The following SMCHD1 variants were observed in gnomAD, a reference collection of about 807,000 sequenced individuals.
The protein encoded by SMCHD1 is structural maintenance of chromosomes flexible hinge domain containing 1.
A neutral mutation model predicts 254.7 loss-of-function variants in SMCHD1; 78 were observed. That is an observed-to-expected ratio of 0.31 (90% CI 0.26 to 0.37). SMCHD1 has a LOEUF of 0.37. Ranked by LOEUF, SMCHD1 falls within the 10% of genes least tolerant of loss-of-function variation. The probability of loss-of-function intolerance (pLI) is 1.00; values close to 1 mark genes in which losing one functional copy is unlikely to be tolerated. For synonymous variants in SMCHD1, 766 were observed against 794.9 expected (o/e 0.96, Z 0.61); for missense variants, 1,840 against 2,408.1 (o/e 0.76, Z 4.94).
At chr18:2,693,260 A>G (rs993289795) in intron 7 of SMCHD1, among the ~76,000 whole-genome samples, 1 of 152,206 alleles carries the variant, frequency 6.6e-6, no homozygotes, top group African/African-American at 2.4e-5. Flanking sequence ...TACACAGTAG[A>G]TATAGTCTCC....
chr18:2,745,221 G>T (rs1231945373), intron 29 of SMCHD1, among the ~76,000 whole-genome samples: 1 of 90,848 alleles, frequency 1.1e-5, no homozygotes, highest in African/African-American at 3.6e-5. Context: ...GTTTCACCAT[G>T]CTGACCAAGC....
chr18:2,726,715 C>T (rs2143440674), intron 22 of SMCHD1, 191 bp downstream of exon 22: 1 of 288,962 alleles, frequency 3.5e-6, no homozygotes, highest in Middle Eastern at 1.1e-3. Flanking sequence ...ATGTTATTGA[C>T]ATTCTGAATA....
intron 7 of SMCHD1, among the ~76,000 whole-genome samples, chr18:2,690,553 C>T (rs2074151605): frequency 6.7e-6 from 1 of 149,502 alleles, no homozygotes; most frequent in South Asian, 2.2e-4. Flanking sequence ...CTCACTGCAA[C>T]CTCTGCCTCC....
chr18:2,704,764 T>C (rs2074478290), intron 13 of SMCHD1, among the ~76,000 whole-genome samples: 1 of 152,156 alleles, frequency 6.6e-6, no homozygotes, highest in South Asian at 2.1e-4. Flanking sequence ...CTCTGTTCTC[T>C]CCATAAATGA....
intron 45 of SMCHD1, among the ~76,000 whole-genome samples, chr18:2,787,115 G>A (rs535101986): frequency 3.9e-5 from 6 of 152,300 alleles, no homozygotes; most frequent in South Asian, 4.1e-4. Flanking sequence ...TGGTGAGGGC[G>A]TCAGGCTGCT....
intron 45 of SMCHD1, chr18:2,785,073 G>C (rs1426961405): frequency 1.7e-5 from 5 of 286,000 alleles, no homozygotes; most frequent in Non-Finnish European, 2.7e-5. Flanking sequence ...ATTAGAAAGT[G>C]TATGACATGT....
At chr18:2,742,054 T>A (rs2075360542) in intron 28 of SMCHD1, among the ~76,000 whole-genome samples, 1 of 152,234 alleles carries the variant, frequency 6.6e-6, no homozygotes, top group African/African-American at 2.4e-5. Context: ...TTTTCTGCTC[T>A]GTTCTACCTG....
At chr18:2,711,227 A>G (rs897332949) in intron 17 of SMCHD1, among the ~76,000 whole-genome samples, 3 of 150,604 alleles carry the variant, frequency 2.0e-5, no homozygotes, top group Non-Finnish European at 4.4e-5. Context: ...TCACCTCCTT[A>G]TGCACCAGGA....
At position 2,698,063 on chromosome 18, in the gene SMCHD1, G is replaced by A. The variant is rs201796204; in HGVS notation, c.1342+22G>A. The A allele has an allele frequency of 6.0e-5, 94 of 1,556,554 alleles. No homozygotes were observed. The African/African-American group carries it at 1.2e-3, about 20-fold the overall frequency. ...TCAAGTATGTTAATCTGTTATCTTA[G>A]TTATAAAATATGAAGTTGTAATTTA... On this transcript the variant is annotated intron_variant, in intron 10 of 47. Coordinates refer to ENST00000320876, the MANE Select transcript of SMCHD1 (RefSeq NM_015295.3).
At chr18:2,753,682 C>T (rs2075618047) in intron 34 of SMCHD1, among the ~76,000 whole-genome samples, 1 of 152,142 alleles carries the variant, frequency 6.6e-6, no homozygotes, top group Admixed American at 6.6e-5. Context: ...GCTAGGACTA[C>T]AGGAATGTGC....
Position 2,802,958 on chromosome 18 carries a change from C to T in SMCHD1, c.*406C>T, listed in dbSNP as rs893110893. On this transcript the variant is annotated 3_prime_UTR_variant, in exon 48 of 48. Coordinates refer to ENST00000320876, the MANE Select transcript of SMCHD1 (RefSeq NM_015295.3). ...CTTGAAAACCTTTTTATTACTTTTG[C>T]GTGAATTTATTTAACAAAGATGTTT... 1.7e-4 allele frequency: 26 copies of T among 156,004 alleles called. No homozygotes were observed. The highest frequency in any genetic ancestry group is 9.2e-4 in the East Asian group (5 of 5,450). 9.7% of individuals were successfully genotyped at this position (156,004 alleles called of 1,614,324 possible).
chr18:2,793,584 G>C (rs2076206385), intron 45 of SMCHD1, among the ~76,000 whole-genome samples: 1 of 149,336 alleles, frequency 6.7e-6, no homozygotes, highest in Non-Finnish European at 1.5e-5. Context: ...AGAATGGCGT[G>C]AACCCGGGAG....
rs1433960517 is a variant in SMCHD1, at chr18:2,751,385, C to T, written c.4273C>T (p.Pro1425Ser). 7 of 1,554,364 alleles carry T rather than the reference C, an allele frequency of 4.5e-6. No homozygotes were observed. The highest frequency in any genetic ancestry group is 4.9e-5 in the East Asian group (2 of 40,582). Reference protein sequence around the residue: ...WKLSTSGNRPPANAETFSCNK... With the variant: ...WKLSTSGNRPSANAETFSCNK... ...GCTGTCTACCAGTGGGAACCGACCC[C>T]CAGCAAATGTGAGTCATGGGAAGCA... Residue 1425 changes from proline to serine, a missense_variant, in exon 33 of 48, where the codon CCA (proline) becomes TCA (serine). Coordinates refer to ENST00000320876, the MANE Select transcript of SMCHD1 (RefSeq NM_015295.3).
chr18:2,696,339 G>A (rs962896075), intron 8 of SMCHD1, among the ~76,000 whole-genome samples: 3 of 152,136 alleles, frequency 2.0e-5, no homozygotes, highest in East Asian at 1.9e-4. Flanking sequence ...TGGTGGGCCC[G>A]AGTGAGCATT....
At chr18:2,690,559 C>T (rs368970589) in intron 7 of SMCHD1, among the ~76,000 whole-genome samples, 103 of 148,358 alleles carry the variant, frequency 6.9e-4, no homozygotes, top group Middle Eastern at 6.9e-3. Flanking sequence ...GCAACCTCTG[C>T]CTCCCTGGTT....
chr18:2,690,240 A>G (rs1054587127), intron 7 of SMCHD1, among the ~76,000 whole-genome samples: 2 of 152,204 alleles, frequency 1.3e-5, no homozygotes, highest in African/African-American at 4.8e-5. Flanking sequence ...TAACATGTTG[A>G]GTATTTCCCC....
intron 3 of SMCHD1, among the ~76,000 whole-genome samples, chr18:2,669,117 A>G (rs1007085610): frequency 6.6e-6 from 1 of 151,920 alleles, no homozygotes; most frequent in Admixed American, 6.6e-5. Context: ...AGTCTGAGGC[A>G]GGAAGATCAC....
chr18:2,736,225 A>G (rs574913392), intron 25 of SMCHD1, among the ~76,000 whole-genome samples: 17 of 152,350 alleles, frequency 1.1e-4, no homozygotes, highest in Non-Finnish European at 2.4e-4. Flanking sequence ...ATGAAAGTGG[A>G]TCCCTACCTT....
At chr18:2,759,522 A>C (rs1277098134) in intron 34 of SMCHD1, among the ~76,000 whole-genome samples, 2 of 90,914 alleles carry the variant, frequency 2.2e-5, no homozygotes, top group Non-Finnish European at 4.2e-5. Context: ...TGTTTTCATC[A>C]TGAAGGGTTG....
Sources: gnomAD v4.1 joint callset for allele counts (sites outside exome capture counted in the v4.1 genomes callset) on GRCh38, gnomAD v4.1.1 for gene constraint, MANE v1.5 for transcripts, NCBI Gene and HGNC (gene_info 2026-07-23, HGNC 2026-07-21) for gene names.